SH3GL3: variants seen among roughly 807,000 people sequenced by gnomAD.
SH3GL3 encodes endophilin-A3.
In SH3GL3, 33 loss-of-function variants were observed where a neutral mutation model predicts 47.7. The observed-to-expected ratio is 0.69, with a 90% CI of 0.52 to 0.92. The LOEUF (loss-of-function observed/expected upper bound fraction) is 0.92, where lower values mean the gene tolerates loss of function less well. Ranked by LOEUF, SH3GL3 falls within the 40% of genes least tolerant of loss-of-function variation. The pLI is 0.00. For synonymous variants in SH3GL3, 155 were observed against 148.8 expected (o/e 1.04, Z -0.30); for missense variants, 363 against 417.8 (o/e 0.87, Z 1.14).
Position 83,447,477 on chromosome 15 carries a change from G to T in SH3GL3, c.-57G>T, listed in dbSNP as rs1277673388. On this transcript the variant is annotated 5_prime_UTR_variant, in exon 1 of 9. Coordinates refer to ENST00000427482, the MANE Select transcript of SH3GL3 (RefSeq NM_003027.5). The surrounding 1 kb of genome is among the most constrained non-coding windows in gnomAD (Gnocchi z 5.1). ...GGCTCCCGCTCCCCGAGCGCGTCGC[G>T]GCCGCGTGGCCCAGCCGAGCCTTGA... 8.4e-6 allele frequency: 12 copies of T among 1,427,680 alleles called. No homozygotes were observed. In the Admixed American group the frequency reaches 2.9e-4, roughly 35 times the overall value. 88.4% of individuals were successfully genotyped at this position (1,427,680 alleles called of 1,614,324 possible).
intron 3 of SH3GL3, among the ~76,000 whole-genome samples, chr15:83,566,383 T>A (rs1162764692): frequency 2.2e-4 from 33 of 149,008 alleles, no homozygotes; most frequent in African/African-American, 4.6e-4. Flanking sequence ...TGTGTGTGTG[T>A]GTGTGTGTGT....
chr15:83,623,950 T>C, the SH3GL3 span, among the ~76,000 whole-genome samples: 4 of 152,086 alleles, frequency 2.6e-5, no homozygotes, highest in Admixed American at 2.6e-4. Flanking sequence ...CACACCCAGC[T>C]AATTTTTTGT....
intron 1 of SH3GL3, among the ~76,000 whole-genome samples, chr15:83,556,238 C>A (rs1488091915): frequency 1.3e-5 from 2 of 152,202 alleles, no homozygotes; most frequent in East Asian, 1.9e-4. Context: ...AGTAGATGCT[C>A]AACAAACAAT....
the SH3GL3 span, among the ~76,000 whole-genome samples, chr15:83,626,649 T>C: frequency 6.6e-6 from 1 of 152,228 alleles, no homozygotes; most frequent in East Asian, 1.9e-4. Flanking sequence ...GGCATGTTTG[T>C]GCAGAAACTT....
In SH3GL3 at chr15:83,448,856, A is replaced by G. The variant is rs902443412; in HGVS notation, c.45+1278A>G. On this transcript the variant is annotated intron_variant, in intron 1 of 8. Transcript: ENST00000427482. The surrounding 1 kb of genome is among the most constrained non-coding windows in gnomAD (Gnocchi z 4.2). ...GGGGCACTGGGTGGACAGTGGTGCT[A>G]TTCAAGGTGTTAAGGAGCCCTGGAG... 3.5e-4 allele frequency among the ~76,000 whole-genome samples: 54 copies of G among 152,120 alleles called. No homozygotes were observed. Among genetic ancestry groups the G allele is most frequent in the African/African-American group, 1.3e-3 (54 of 41,430 alleles).
In SH3GL3 at chr15:83,487,827, A is replaced by G. The variant is rs539802409; in HGVS notation, c.45+40249A>G. Among the ~76,000 whole-genome samples, 6 of 138,080 alleles carry G rather than the reference A, an allele frequency of 4.3e-5. 1 individual carries two copies. The South Asian group carries it at 1.5e-3, about 34-fold the overall frequency. 90.6% of individuals were successfully genotyped at this position (138,080 alleles called of 152,430 possible). A position where few individuals can be genotyped will look rare whatever the true frequency, so the allele number is the denominator to read the frequency against. Reference sequence around the variant, plus strand: ...GCTGACATAGTTTTTCTCTTCTCTCACTATCCATTTTTTTTTCTTTCTTTT... The same window carrying G: ...GCTGACATAGTTTTTCTCTTCTCTCGCTATCCATTTTTTTTTCTTTCTTTT... On this transcript the variant is annotated intron_variant, in intron 1 of 8. Coordinates refer to ENST00000427482, the MANE Select transcript of SH3GL3 (RefSeq NM_003027.5).
intron 2 of SH3GL3, among the ~76,000 whole-genome samples, chr15:83,564,298 G>T (rs2151752580): frequency 6.6e-6 from 1 of 152,160 alleles, no homozygotes; most frequent in South Asian, 2.1e-4. Flanking sequence ...ATGTTAATTT[G>T]GGAAGAATGC....
chr15:83,529,486 G>C (rs373416239), intron 1 of SH3GL3, among the ~76,000 whole-genome samples: 1 of 152,070 alleles, frequency 6.6e-6, no homozygotes, highest in East Asian at 1.9e-4. Context: ...GTCCCCAGGA[G>C]TACAAAGATA....
At chr15:83,601,861 A>G (rs2060391470) in intron 8 of SH3GL3, among the ~76,000 whole-genome samples, 1 of 148,376 alleles carries the variant, frequency 6.7e-6, no homozygotes, top group Non-Finnish European at 1.5e-5. Flanking sequence ...TAAAATTACC[A>G]TTTCAGTCTT....
chr15:83,595,975 A>G (rs1195932947), intron 8 of SH3GL3, among the ~76,000 whole-genome samples: 1 of 152,080 alleles, frequency 6.6e-6, no homozygotes, highest in Non-Finnish European at 1.5e-5. Flanking sequence ...GTTGTCATTG[A>G]GTCCTTTCGC....
chr15:83,516,671 A>C (rs1392272881), intron 1 of SH3GL3, among the ~76,000 whole-genome samples: 1 of 152,030 alleles, frequency 6.6e-6, no homozygotes, highest in Non-Finnish European at 1.5e-5. Flanking sequence ...ATGAAAACTC[A>C]CTATGACCAA....
intron 1 of SH3GL3, among the ~76,000 whole-genome samples, chr15:83,540,765 CA>C (rs2151699721): frequency 6.6e-6 from 1 of 152,220 alleles, no homozygotes; most frequent in African/African-American, 2.4e-5. Context: ...TCACCTCAAG[CA>C]CTTATTTCTT....
chr15:83,473,082 A>C (rs546025291), intron 1 of SH3GL3, among the ~76,000 whole-genome samples: 24 of 152,306 alleles, frequency 1.6e-4, no homozygotes, highest in African/African-American at 5.8e-4. Context: ...TGGCGGGGGC[A>C]GCCTCATTAC....
chr15:83,589,347 A>T (rs12905878), intron 8 of SH3GL3, among the ~76,000 whole-genome samples: 30,289 of 152,194 alleles, frequency 0.2, 3,321 homozygotes, highest in Middle Eastern at 0.33. Flanking sequence ...AAATATACAC[A>T]TAAACAGCGT....
chr15:83,595,591 T>C (rs1332749645), intron 8 of SH3GL3, among the ~76,000 whole-genome samples: 2 of 150,072 alleles, frequency 1.3e-5, no homozygotes, highest in Non-Finnish European at 3.0e-5. Context: ...AGGCAGTATT[T>C]GTCAGCTCTC....
chr15:83,514,877 T>C (rs1053375007), intron 1 of SH3GL3, among the ~76,000 whole-genome samples: 3 of 152,134 alleles, frequency 2.0e-5, no homozygotes. Context: ...AAGATGTCCA[T>C]GTCCTAATCC....
the SH3GL3 span, among the ~76,000 whole-genome samples, chr15:83,626,707 G>T: frequency 6.6e-6 from 1 of 152,208 alleles, no homozygotes; most frequent in Non-Finnish European, 1.5e-5. Flanking sequence ...GCACTTGGTA[G>T]AGGCTCACAG....
At chr15:83,622,857 C>G (rs1368300693), downstream of SH3GL3, among the ~76,000 whole-genome samples, 1 of 152,222 alleles carries the variant, frequency 6.6e-6, no homozygotes, top group African/African-American at 2.4e-5. Context: ...CTGGCATCGC[C>G]TCTCCTACTG....
At chr15:83,615,374 G>C (rs2060785774) in intron 8 of SH3GL3, among the ~76,000 whole-genome samples, 1 of 152,114 alleles carries the variant, frequency 6.6e-6, no homozygotes, top group Admixed American at 6.5e-5. Flanking sequence ...GAGTGTAGTG[G>C]TGTGATCTCA....
Sources: allele counts gnomAD v4.1 joint callset (sites outside exome capture counted in the v4.1 genomes callset), GRCh38; gene constraint gnomAD v4.1.1; non-coding constraint Gnocchi (gnomAD v3.1); transcripts MANE v1.5; gene names NCBI Gene and HGNC (gene_info 2026-07-23, HGNC 2026-07-21).